The following RS1 variants were observed in gnomAD, a reference collection of about 807,000 sequenced individuals.
RS1 encodes the protein retinoschisin.
In RS1, 2 loss-of-function variants were observed where a neutral mutation model predicts 20.8. The ratio of observed to expected loss-of-function variants is 0.10; its 90% confidence interval spans 0.04 to 0.30. The LOEUF is 0.30. Ranked by LOEUF, RS1 falls within the 10% of genes least tolerant of loss-of-function variation. The pLI, the probability that RS1 is intolerant of heterozygous loss-of-function variation, is 1.00. For synonymous variants in RS1, 70 were observed against 75.8 expected (o/e 0.92, Z 0.40); for missense variants, 151 against 189.8 (o/e 0.80, Z 1.20).
At chrX:18,660,335 C>T (rs2147204684) in intron 1 of RS1, among the ~76,000 whole-genome samples, 1 of 108,979 alleles carries the variant, frequency 9.2e-6, no homozygotes, top group Non-Finnish European at 1.9e-5. Context: ...CCTGCCTCAG[C>T]CTCCCGAGTA....
intron 5 of RS1, among the ~76,000 whole-genome samples, chrX:18,643,446 G>A (rs1337303624): frequency 8.9e-6 from 1 of 112,232 alleles, no homozygotes; most frequent in Non-Finnish European, 1.9e-5. Context: ...GGGGAGGGTG[G>A]AACAGGCTCC....
At chrX:18,659,300 C>G (rs1484550860) in intron 1 of RS1, among the ~76,000 whole-genome samples, 1 of 110,217 alleles carries the variant, frequency 9.1e-6, no homozygotes, top group African/African-American at 3.3e-5. Context: ...ATGCTGAAAC[C>G]CTGTCTCTAC....
chrX:18,663,137 C>T (rs1446733978), intron 1 of RS1, among the ~76,000 whole-genome samples: 2 of 101,683 alleles, frequency 2.0e-5, no homozygotes, highest in Non-Finnish European at 3.9e-5. Context: ...CTCCTGGGTT[C>T]AAGCGATTCT....
At chrX:18,660,751 G>T (rs1056185881) in intron 1 of RS1, among the ~76,000 whole-genome samples, 5 of 111,653 alleles carry the variant, frequency 4.5e-5, no homozygotes, top group African/African-American at 1.6e-4. Flanking sequence ...CACTTTTTTT[G>T]TGTCCACTGT....
chrX:18,650,316 C>G, intron 3 of RS1: 1 of 830,780 alleles, frequency 1.2e-6, no homozygotes, highest in Non-Finnish European at 1.8e-6. Context: ...AGGTGACGCT[C>G]TCACTGTCAC....
chrX:18,644,472 G>T lies in RS1; in HGVS notation c.480C>A (p.Arg160=). 1 of 1,211,384 alleles carries T rather than the reference G, an allele frequency of 8.3e-7. No homozygotes were observed. Residue 160 remains arginine (R), a synonymous_variant, in exon 5 of 6, where the codon CGC becomes CGA. Coordinates refer to ENST00000379984, the MANE Select transcript of RS1 (RefSeq NM_000330.4). The part of the protein sequence containing the change: ...KYSVQYRTDE[R]LNWIYYKDQT... ...GGTCCTTGTAGTAAATCCAGTTCAG[G>T]CGCTCATCGGTCCTGTACTGCACGC...
chrX:18,653,571 A>G (rs1166493339), intron 3 of RS1: 8 of 1,201,479 alleles, frequency 6.7e-6, no homozygotes, highest in South Asian at 1.8e-5. Context: ...GCTGGTCCCA[A>G]TGCCCTGAAT....
chrX:18,652,678 A>C (rs1928104933), intron 3 of RS1, among the ~76,000 whole-genome samples: 1 of 111,377 alleles, frequency 9.0e-6, no homozygotes, highest in African/African-American at 3.3e-5. Flanking sequence ...CAAAAAAAAA[A>C]ACTAAGGGGA....
chrX:18,663,932 C>A (rs1928361319), intron 1 of RS1, among the ~76,000 whole-genome samples: 1 of 111,970 alleles, frequency 8.9e-6, no homozygotes, highest in Admixed American at 9.5e-5. Flanking sequence ...TGTGGAGAAA[C>A]CTGAACTGTG....
At chrX:18,658,780 TTCATCATCA>T (rs35009798) in intron 1 of RS1, among the ~76,000 whole-genome samples, 19 of 103,849 alleles carry the variant, frequency 1.8e-4, no homozygotes, top group South Asian at 8.8e-4. Context: ...TTATTAAATC[TTCATCATCA>T]TCATCATCAT....
Position 18,656,644 on chromosome X carries a change from G to T in RS1, c.184+9C>A, listed in dbSNP as rs377631416. 2.6e-6 allele frequency: 3 copies of T among 1,173,448 alleles called. No individual in the cohort carries two copies. The highest frequency in any genetic ancestry group is 4.4e-5 in the Admixed American group (2 of 45,957). On this transcript the variant is annotated intron_variant, in intron 3 of 5. Transcript: ENST00000379984. ...TGACTGTTCCATCCCAAGGACAGGG[G>T]ATACTCACCTGGTATACAGTCCAAG... is the stretch of plus-strand genomic sequence containing the variant.
At chrX:18,657,691 A>G (rs1410300458) in intron 1 of RS1, 26 bp from the exon 2 acceptor site, 2 of 1,142,109 alleles carry the variant, frequency 1.8e-6, no homozygotes, top group Admixed American at 2.2e-5. Flanking sequence ...GAGACAGAAA[A>G]AATCTAATTA....
At chrX:18,646,140 T>G (rs1927764971) in intron 4 of RS1, 2 of 1,208,731 alleles carry the variant, frequency 1.7e-6, no homozygotes, top group East Asian at 5.9e-5. Flanking sequence ...GACCCTAGAC[T>G]ACTGAATGAA....
intron 1 of RS1, among the ~76,000 whole-genome samples, chrX:18,659,214 C>T (rs758076252): frequency 9.0e-6 from 1 of 111,508 alleles, no homozygotes; most frequent in Non-Finnish European, 1.9e-5. Flanking sequence ...TAGCTCATGC[C>T]TGTAATCCTA....
rs104894928 is a variant in RS1, at chrX:18,647,303, C to T, written c.214G>A (p.Glu72Lys). ...TGGTCCGGTGTGACCTCCCCTGACTCGAAACCCAGAGGCTTGTGATATGGG... is the reference window on the plus strand; with the variant it reads ...TGGTCCGGTGTGACCTCCCCTGACTTGAAACCCAGAGGCTTGTGATATGGG... ...ECPYHKPLGF[E>K]SGEVTPDQIT... The change falls in exon 4 of 6, where the codon GAG becomes AAG. Residue 72 changes from glutamate (E) to lysine (K), a missense_variant. By Grantham distance (56) the Glu-to-Lys change is moderately conservative (BLOSUM62 1). Transcript: ENST00000379984. 4.1e-6 allele frequency: 5 copies of T among 1,211,002 alleles called. No individual in the cohort carries two copies. Among genetic ancestry groups the T allele is most frequent in the South Asian group, 1.8e-5 (1 of 56,953 alleles).
At chrX:18,649,949 T>C (rs1359817436) in intron 3 of RS1, 2 of 185,261 alleles carry the variant, frequency 1.1e-5, no homozygotes, top group Non-Finnish European at 2.0e-5. Flanking sequence ...ATTTGATGAC[T>C]GAACCTCCTT....
intron 4 of RS1, 91 bp from the exon 5 acceptor site, chrX:18,644,716 T>C: frequency 1.1e-6 from 1 of 943,680 alleles, no homozygotes; most frequent in Non-Finnish European, 1.5e-6. Flanking sequence ...GATGCCAGCA[T>C]CCAAAGAGCC....
At chrX:18,644,396 G>C (rs201856847) in intron 5 of RS1, 34 bp downstream of exon 5, 1 of 1,189,044 alleles carries the variant, frequency 8.4e-7, no homozygotes, top group South Asian at 1.8e-5. Context: ...CAGAGGGTGC[G>C]AGCTGAAGTT....
chrX:18,664,110 C>A (rs1160989394), intron 1 of RS1, among the ~76,000 whole-genome samples: 1 of 112,352 alleles, frequency 8.9e-6, no homozygotes, highest in Non-Finnish European at 1.9e-5. Flanking sequence ...AAAACATGTG[C>A]TAGATGATCC....
Sources: allele counts gnomAD v4.1 joint callset (sites outside exome capture counted in the v4.1 genomes callset), GRCh38; gene constraint gnomAD v4.1.1; transcripts MANE v1.5; gene names NCBI Gene and HGNC (gene_info 2026-07-23, HGNC 2026-07-21).